Variants in FREM3 observed in about 807,000 individuals in gnomAD.
FREM3 encodes FRAS1-related extracellular matrix protein 3.
Under a neutral mutation model 129.1 loss-of-function variants are expected in FREM3, and 105 were observed. That is an observed-to-expected ratio of 0.81 (90% confidence interval 0.69 to 0.96). FREM3 has a LOEUF of 0.96. FREM3 is among the 40% of genes least tolerant of loss of function. The pLI, the probability that FREM3 is intolerant of heterozygous loss-of-function variation, is 0.00. For synonymous variants in FREM3, 1,014 were observed against 1,044.9 expected (o/e 0.97, Z 0.57); for missense variants, 2,593 against 2,666.3 (o/e 0.97, Z 0.61).
intron 2 of FREM3, among the ~76,000 whole-genome samples, chr4:143,688,702 G>A (rs989028751): frequency 1.3e-5 from 2 of 152,130 alleles, no homozygotes; most frequent in African/African-American, 4.8e-5. Context: ...ACAGAACAGA[G>A]AACCCATAAA....
At chr4:143,662,479 A>T (rs1172881800) in intron 2 of FREM3, among the ~76,000 whole-genome samples, 2 of 151,458 alleles carry the variant, frequency 1.3e-5, no homozygotes, top group African/African-American at 2.4e-5. Context: ...CTGTTCTTTT[A>T]CATTTGCTGA....
At chr4:143,665,198 G>A (rs1023963573) in intron 2 of FREM3, among the ~76,000 whole-genome samples, 4 of 152,202 alleles carry the variant, frequency 2.6e-5, no homozygotes, top group Admixed American at 2.6e-4. Context: ...GCTGGGAGCT[G>A]TAGACTGGAG....
intron 6 of FREM3, among the ~76,000 whole-genome samples, chr4:143,609,997 T>G (rs982227866): frequency 6.6e-6 from 1 of 152,198 alleles, no homozygotes; most frequent in South Asian, 2.1e-4. Context: ...TAAAGGAATA[T>G]ATTGAAAATT....
At position 143,683,229 on chromosome 4, in the gene FREM3, T is replaced by C. The variant is rs77043358; in HGVS notation, c.5275+9884A>G. 3.3e-3 allele frequency among the ~76,000 whole-genome samples: 506 copies of C among 152,254 alleles called. 17 individuals carry two copies. In the East Asian group the frequency reaches 0.055, roughly 17 times the overall value. On this transcript the variant is annotated intron_variant, in intron 2 of 7. Transcript: ENST00000329798. ...CGGACAGAGCGAGCAGGGGCTTGCA[T>C]TGTGAATTTTAGCTCCAGATCTACT...
At chr4:143,587,358 G>C (rs750614991) in intron 6 of FREM3, among the ~76,000 whole-genome samples, 4 of 152,302 alleles carry the variant, frequency 2.6e-5, no homozygotes, top group Admixed American at 6.5e-5. Flanking sequence ...TAACTGTAGT[G>C]ATGGAATACA....
At chr4:143,654,215 G>A (rs912358127) in intron 2 of FREM3, among the ~76,000 whole-genome samples, 3 of 152,288 alleles carry the variant, frequency 2.0e-5, no homozygotes, top group African/African-American at 7.2e-5. Flanking sequence ...TGATTCTCCT[G>A]CCTCAGCCTA....
chr4:143,662,293 TG>T (rs1739746753), intron 2 of FREM3, among the ~76,000 whole-genome samples: 2 of 152,212 alleles, frequency 1.3e-5, no homozygotes, highest in African/African-American at 4.8e-5. Context: ...GTTGTGTCTT[TG>T]TTCTCATTGG....
Position 143,699,080 on chromosome 4 carries a change from A to T in FREM3, c.1596T>A (p.Phe532Leu), listed in dbSNP as rs1197037700. ...CATCCACAGGTAGGATGGTGAGGGG[A>T]AAGAGGAAGTCCACTTGGTGGTGCC... Reference protein sequence around the residue: ...EDGHHQVDFLFPLTILPVDDE... With the variant: ...EDGHHQVDFLLPLTILPVDDE... Residue 532 changes from phenylalanine to leucine, a missense_variant, in exon 1 of 8, where the codon TTT (phenylalanine) becomes TTA (leucine). This residue lies in a region of FREM3 where 2,276 missense variants were observed against 2,267.2 expected (regional missense o/e 1.00). Coordinates refer to ENST00000329798, the MANE Select transcript of FREM3 (RefSeq NM_001168235.2). This position sits in a 1 kb window ranked among gnomAD's most constrained non-coding sequence, Gnocchi z 4.2. 4 of 1,537,322 alleles carry T rather than the reference A, an allele frequency of 2.6e-6. No individual in the cohort carries two copies. Among genetic ancestry groups the T allele is most frequent in the Non-Finnish European group, 3.5e-6 (4 of 1,146,972 alleles).
At chr4:143,647,660 A>G (rs189058399) in intron 2 of FREM3, among the ~76,000 whole-genome samples, 26 of 152,304 alleles carry the variant, frequency 1.7e-4, no homozygotes, top group African/African-American at 5.8e-4. Context: ...GGTGGCTTAC[A>G]TATAGTGTTG....
At chr4:143,645,623 T>A (rs1361241612) in intron 2 of FREM3, among the ~76,000 whole-genome samples, 1 of 152,232 alleles carries the variant, frequency 6.6e-6, no homozygotes, top group Non-Finnish European at 1.5e-5. Flanking sequence ...GTCCTGCAGA[T>A]TTCAGACTCA....
At chr4:143,661,184 A>G (rs1739713149) in intron 2 of FREM3, among the ~76,000 whole-genome samples, 1 of 152,136 alleles carries the variant, frequency 6.6e-6, no homozygotes, top group Non-Finnish European at 1.5e-5. Context: ...GAATGCTTCT[A>G]GTTTTTGCCC....
At chr4:143,606,795 T>A (rs906107767) in intron 6 of FREM3, among the ~76,000 whole-genome samples, 1 of 47,246 alleles carries the variant, frequency 2.1e-5, no homozygotes, top group Admixed American at 2.0e-4. Context: ...CTAGAAGGAT[T>A]TTTTTTTATG....
chr4:143,678,010 T>G (rs1740176617), intron 2 of FREM3, among the ~76,000 whole-genome samples: 1 of 152,050 alleles, frequency 6.6e-6, no homozygotes, highest in South Asian at 2.1e-4. Context: ...GAACTAGAAA[T>G]CCCATATGAC....
chr4:143,606,669 A>C (rs942548215), intron 6 of FREM3, among the ~76,000 whole-genome samples: 2 of 152,088 alleles, frequency 1.3e-5, no homozygotes, highest in African/African-American at 4.8e-5. Flanking sequence ...TCTGGGCTTT[A>C]ACTGACTGGG....
rs113756199 is a variant in FREM3, at chr4:143,674,138, G to A, written c.5275+18975C>T. The stretch of plus-strand genomic sequence containing the variant: ...CAACAAGCCCCAGTGAGATGAACCC[G>A]GTACCTCAGTTGGAAATGCAGAAAT... On this transcript the variant is annotated intron_variant, in intron 2 of 7. Transcript: ENST00000329798. Among the ~76,000 whole-genome samples the A allele has an allele frequency of 1.8e-3, 277 of 152,204 alleles. 1 individual carries two copies. Among genetic ancestry groups the A allele is most frequent in the African/African-American group, 5.9e-3 (247 of 41,526 alleles).
Position 143,633,531 on chromosome 4 carries a change from T to C in FREM3, c.5276-5771A>G, listed in dbSNP as rs139532861. On this transcript the variant is annotated intron_variant, in intron 2 of 7. Coordinates refer to ENST00000329798, the MANE Select transcript of FREM3 (RefSeq NM_001168235.2). ...ACAACAAAATCCCACAGCAATGAAC[T>C]TGTTTTTGTCTTGTTGTGTTTGTAA... Among the ~76,000 whole-genome samples the C allele has an allele frequency of 3.3e-5, 5 of 152,276 alleles. No homozygotes were observed. The South Asian group carries it at 8.3e-4, about 25-fold the overall frequency.
At chr4:143,618,069 G>A (rs1392922434) in intron 5 of FREM3, among the ~76,000 whole-genome samples, 3 of 152,116 alleles carry the variant, frequency 2.0e-5, no homozygotes, top group Non-Finnish European at 2.9e-5. Flanking sequence ...TAATTGCTAC[G>A]CTAGAAAAAT....
At chr4:143,633,842 T>A (rs1382867249) in intron 2 of FREM3, among the ~76,000 whole-genome samples, 1 of 152,134 alleles carries the variant, frequency 6.6e-6, no homozygotes, top group Non-Finnish European at 1.5e-5. Flanking sequence ...AAAAGACATG[T>A]CAGGTATGGG....
At position 143,592,610 on chromosome 4, in the gene FREM3, G is replaced by C. The variant is rs560522530; in HGVS notation, c.6029-6617C>G. ...TTGTAGAGTTTCTGCTGAGAGATCA[G>C]CAGTTAGTCTGATGGGCTTCCCTTT... On this transcript the variant is annotated intron_variant, in intron 6 of 7. Coordinates refer to ENST00000329798, the MANE Select transcript of FREM3 (RefSeq NM_001168235.2). 1.1e-4 allele frequency among the ~76,000 whole-genome samples: 16 copies of C among 152,306 alleles called. No homozygotes were observed. The East Asian group carries it at 2.9e-3, about 28-fold the overall frequency.
Sources: allele counts gnomAD v4.1 joint callset (sites outside exome capture counted in the v4.1 genomes callset), GRCh38; gene constraint gnomAD v4.1.1; regional missense constraint gnomAD v4.1.1; non-coding constraint Gnocchi (gnomAD v3.1); transcripts MANE v1.5; gene names NCBI Gene and HGNC (gene_info 2026-07-23, HGNC 2026-07-21).